VPS41: variants seen among roughly 807,000 people sequenced by gnomAD.
VPS41 encodes the protein VPS41 subunit of HOPS complex.
In VPS41, 85 loss-of-function variants were observed where a neutral mutation model predicts 130.9. The ratio of observed to expected loss-of-function variants is 0.65; its 90% CI spans 0.55 to 0.78. VPS41 has a LOEUF of 0.78. VPS41 is among the 30% of genes least tolerant of loss of function. The pLI is 0.00. For synonymous variants in VPS41, 335 were observed against 332.9 expected (o/e 1.01, Z -0.07); for missense variants, 874 against 1,018.7 (o/e 0.86, Z 1.93).
Position 38,724,609 on chromosome 7 carries a change from T to C in VPS41, c.*1637A>G, listed in dbSNP as rs1027827162. 7.2e-6 allele frequency: 1 copy of C among 138,698 alleles called. No individual in the cohort carries two copies. The highest frequency in any genetic ancestry group is 1.7e-5 in the Non-Finnish European group (1 of 60,188). The allele number at this position is 138,698 out of a possible 1,614,324, so 8.6% of individuals were successfully genotyped here. A position where few individuals can be genotyped will look rare whatever the true frequency, so the allele number is the denominator to read the frequency against. ...GATTTCTTTTCTTTTCTTTTCTTTT[T>C]TGAGACGGAGTTTTGCTCTTGTTGC... On this transcript the variant is annotated 3_prime_UTR_variant, in exon 29 of 29. Coordinates refer to ENST00000310301, the MANE Select transcript of VPS41 (RefSeq NM_014396.4).
chr7:38,818,253 A>C (rs79227640), intron 6 of VPS41, among the ~76,000 whole-genome samples: 1 of 150,680 alleles, frequency 6.6e-6, no homozygotes, highest in African/African-American at 2.4e-5. Flanking sequence ...ACAAAACAAA[A>C]AAAAAAAAAC....
chr7:38,815,972 TATTA>T (rs1785040808), intron 7 of VPS41, among the ~76,000 whole-genome samples: 1 of 152,078 alleles, frequency 6.6e-6, no homozygotes, highest in Admixed American at 6.5e-5. Context: ...ACATCTATCC[TATTA>T]ATTCTCTCCC....
At chr7:38,848,825 T>C (rs1327997746) in intron 4 of VPS41, among the ~76,000 whole-genome samples, 1 of 152,144 alleles carries the variant, frequency 6.6e-6, no homozygotes, top group African/African-American at 2.4e-5. Flanking sequence ...CCAGAGTTTC[T>C]TCTCTAATCA....
rs1795469543 is a variant in VPS41, at chr7:38,723,084, T to A, written c.*3162A>T. ...GAAAATATATTTACTACTCATTAAG[T>A]AGAAGTGGATCATCATAAGTGTTTC... On this transcript the variant is annotated 3_prime_UTR_variant, in exon 29 of 29. Transcript: ENST00000310301. The A allele has an allele frequency of 6.6e-6, 1 of 152,194 alleles. No individual in the cohort carries two copies. The highest frequency in any genetic ancestry group is 6.5e-5 in the Admixed American group (1 of 15,286). 9.4% of individuals were successfully genotyped at this position (152,194 alleles called of 1,614,324 possible).
intron 10 of VPS41, among the ~76,000 whole-genome samples, chr7:38,781,892 A>G (rs905867881): frequency 6.6e-6 from 1 of 152,158 alleles, no homozygotes; most frequent in African/African-American, 2.4e-5. Flanking sequence ...GTTGTAATCT[A>G]TTGCGTAGGT....
At chr7:38,784,945 G>A (rs1247844687) in intron 10 of VPS41, among the ~76,000 whole-genome samples, 1 of 152,168 alleles carries the variant, frequency 6.6e-6, no homozygotes, top group Non-Finnish European at 1.5e-5. Flanking sequence ...TAAATAAGGT[G>A]ACATCCCATA....
intron 7 of VPS41, among the ~76,000 whole-genome samples, chr7:38,798,594 C>G (rs1004731208): frequency 6.6e-6 from 1 of 152,128 alleles, no homozygotes; most frequent in Non-Finnish European, 1.5e-5. Flanking sequence ...CGCCTGGCCA[C>G]AACAATTAAA....
At chr7:38,767,014 G>A (rs986459639) in intron 15 of VPS41, among the ~76,000 whole-genome samples, 4 of 152,204 alleles carry the variant, frequency 2.6e-5, no homozygotes, top group East Asian at 3.9e-4. Context: ...GTCCTCTTCC[G>A]TATCACAACC....
At chr7:38,876,788 C>G (rs984773037) in intron 2 of VPS41, among the ~76,000 whole-genome samples, 2 of 151,972 alleles carry the variant, frequency 1.3e-5, no homozygotes, top group Non-Finnish European at 2.9e-5. Flanking sequence ...TCTCCTGTGC[C>G]CTGTAGTATT....
chr7:38,774,231 C>A lies in VPS41; in HGVS notation c.896G>T (p.Cys299Phe). The A allele has an allele frequency of 6.3e-7, 1 of 1,590,584 alleles. No individual in the cohort carries two copies. The highest frequency in any genetic ancestry group is 1.2e-5 in the South Asian group (1 of 86,916). Reference sequence around the variant, plus strand: ...GATGATGTCCAGTCTAGGCCTGGCACAGTATTCTCTTTCCTAGTGGGGGAA... The same window carrying A: ...GATGATGTCCAGTCTAGGCCTGGCAAAGTATTCTCTTTCCTAGTGGGGGAA... Reference protein sequence around the residue: ...EISEKTEREYCARPRLDIIQP... With the variant: ...EISEKTEREYFARPRLDIIQP... Residue 299 changes from cysteine to phenylalanine, a missense_variant, in exon 12 of 29, where the codon TGT becomes TTT. By Grantham distance (205) the Cys-to-Phe change is radical. Transcript: ENST00000310301.
At chr7:38,855,136 G>GT (rs1785953441) in intron 4 of VPS41, among the ~76,000 whole-genome samples, 2 of 151,206 alleles carry the variant, frequency 1.3e-5, no homozygotes, top group Non-Finnish European at 2.9e-5. Context: ...CTTGAACCTG[G>GT]GCGGCGGAGG....
intron 5 of VPS41, among the ~76,000 whole-genome samples, chr7:38,822,288 C>T (rs897155314): frequency 3.3e-5 from 5 of 152,142 alleles, no homozygotes; most frequent in African/African-American, 1.2e-4. Flanking sequence ...GTAACCATCA[C>T]TCTGATCAAG....
chr7:38,816,040 T>C (rs540144216), intron 7 of VPS41, among the ~76,000 whole-genome samples: 1 of 152,124 alleles, frequency 6.6e-6, no homozygotes, highest in Non-Finnish European at 1.5e-5. Flanking sequence ...AAAAAGTGTT[T>C]AGTGAAGAAA....
intron 4 of VPS41, among the ~76,000 whole-genome samples, chr7:38,861,787 T>TA (rs531656932): frequency 9.3e-4 from 142 of 152,294 alleles, no homozygotes; most frequent in Non-Finnish European, 1.9e-3. Context: ...CTTGACACCT[T>TA]TAAGGTACAC....
intron 17 of VPS41, among the ~76,000 whole-genome samples, chr7:38,761,045 T>A (rs183762322): frequency 4.6e-5 from 7 of 152,148 alleles, no homozygotes; most frequent in Non-Finnish European, 1.5e-5. Flanking sequence ...TTAATATGAT[T>A]GAAATTTTAC....
rs867491046 is a variant in VPS41, at chr7:38,772,572, G to A, written c.1078C>T (p.Arg360Ter). 5 of 1,613,292 alleles carry A rather than the reference G, an allele frequency of 3.1e-6. No homozygotes were observed. The highest frequency in any genetic ancestry group is 1.1e-5 in the South Asian group (1 of 91,028). ...SPRDVVVAKE[R>*]DQDDHIDWLL... is the part of the protein sequence containing the mutation. ...CAGTCAATGTGATCATCTTGGTCTC[G>A]TTCCTTGGCCACTACAACATCTCTC... Residue 360 changes from arginine to a stop codon, truncating the protein, a stop_gained, in exon 13 of 29, where the codon CGA becomes TGA. Coordinates refer to ENST00000310301, the MANE Select transcript of VPS41 (RefSeq NM_014396.4). LOFTEE classifies it high-confidence loss of function.
intron 4 of VPS41, among the ~76,000 whole-genome samples, chr7:38,851,258 T>A (rs1785847855): frequency 6.6e-6 from 1 of 152,196 alleles, no homozygotes; most frequent in South Asian, 2.1e-4. Context: ...ATATATTAAT[T>A]TTTTTCCACA....
chr7:38,894,342 C>T (rs6955677), intron 2 of VPS41, among the ~76,000 whole-genome samples: 95,547 of 151,800 alleles, frequency 0.63, 31,425 homozygotes, highest in East Asian at 0.89. Context: ...AAACCTGGTC[C>T]ATCAACATCC....
rs144205622 is a variant in VPS41, at chr7:38,871,581, G to A, written c.61-2328C>T. ...AGTAATTTCCTCAAGACATACAGTGGGTAGAGGAGAAGCTAAAGTTCAAAT... is the reference window on the plus strand; with the variant it reads ...AGTAATTTCCTCAAGACATACAGTGAGTAGAGGAGAAGCTAAAGTTCAAAT... On this transcript the variant is annotated intron_variant, in intron 2 of 28. Transcript: ENST00000310301. Among the ~76,000 whole-genome samples, 56 of 152,290 alleles carry A rather than the reference G, an allele frequency of 3.7e-4. No individual in the cohort carries two copies. In the East Asian group the frequency reaches 0.01, roughly 28 times the overall value.
Sources: gnomAD v4.1 joint callset for allele counts (sites outside exome capture counted in the v4.1 genomes callset) on GRCh38, gnomAD v4.1.1 for gene constraint, MANE v1.5 for transcripts, NCBI Gene and HGNC (gene_info 2026-07-23, HGNC 2026-07-21) for gene names.